The following IMMP2L variants were observed in gnomAD, a reference collection of about 807,000 sequenced individuals.
IMMP2L encodes the protein inner mitochondrial membrane peptidase subunit 2.
A neutral mutation model predicts 19.3 loss-of-function variants in IMMP2L; 18 were observed. The ratio of observed to expected loss-of-function variants is 0.93; its 90% CI spans 0.64 to 1.38. The LOEUF (loss-of-function observed/expected upper bound fraction) is 1.38, where lower values mean the gene tolerates loss of function less well. Among genes scored for constraint, IMMP2L ranks in the 40% most tolerant of loss-of-function variants. IMMP2L has a pLI of 0.00. For synonymous variants in IMMP2L, 76 were observed against 73.0 expected, an observed-to-expected ratio of 1.04 and a Z score of -0.21; for missense variants, 233 against 218.2, an observed-to-expected ratio of 1.07 and a Z score of -0.43.
rs1040874911 is a variant in IMMP2L at position 110,877,079 on chromosome 7, G to C, written c.408+9514C>G. Among the ~76,000 whole-genome samples the C allele has an allele frequency of 6.6e-6, 1 of 152,134 alleles. No individual in the cohort carries two copies. The highest frequency in any genetic ancestry group is 1.5e-5 in the Non-Finnish European group (1 of 68,016). On this transcript the variant is annotated intron_variant, in intron 5 of 5. Coordinates refer to ENST00000405709, the MANE Select transcript of IMMP2L (RefSeq NM_032549.4). The surrounding 1 kb of genome is among the most constrained non-coding windows in gnomAD (Gnocchi z 4.0). ...AAGTACTTAACTCAGCCGTTACAGAGGGAAAGCAGCCATAGTCAATATGAA... is the reference window on the plus strand; with the variant it reads ...AAGTACTTAACTCAGCCGTTACAGACGGAAAGCAGCCATAGTCAATATGAA...
At chr7:111,240,460 T>G (rs1387525967) in intron 3 of IMMP2L, among the ~76,000 whole-genome samples, 1 of 151,940 alleles carries the variant, frequency 6.6e-6, no homozygotes, top group East Asian at 1.9e-4. Flanking sequence ...TGCAGTCAAT[T>G]ATTAGATACA....
intron 3 of IMMP2L, among the ~76,000 whole-genome samples, chr7:111,087,425 G>A (rs1381742664): frequency 6.7e-6 from 1 of 150,168 alleles, no homozygotes; most frequent in East Asian, 2.0e-4. Flanking sequence ...CTCCAGCTTG[G>A]GCAACAGAGC....
chr7:110,841,825 T>A (rs997604148), intron 5 of IMMP2L, among the ~76,000 whole-genome samples: 5 of 152,172 alleles, frequency 3.3e-5, no homozygotes, highest in Non-Finnish European at 7.4e-5. Flanking sequence ...ATTATCAAAT[T>A]GTCTAAGAAT....
intron 3 of IMMP2L, among the ~76,000 whole-genome samples, chr7:111,075,095 T>G (rs979641549): frequency 7.3e-5 from 11 of 150,922 alleles, no homozygotes; most frequent in Non-Finnish European, 1.3e-4. Flanking sequence ...GCTGTTATAT[T>G]TTAAATAGCT....
At chr7:110,719,081 A>G (rs1795411753) in intron 5 of IMMP2L, among the ~76,000 whole-genome samples, 2 of 152,250 alleles carry the variant, frequency 1.3e-5, no homozygotes, top group Admixed American at 1.3e-4. Flanking sequence ...GAAGGTTGAA[A>G]TAAGGAAAAT....
At chr7:111,500,612 C>T (rs1844117338) in intron 2 of IMMP2L, among the ~76,000 whole-genome samples, 1 of 152,118 alleles carries the variant, frequency 6.6e-6, no homozygotes, top group Admixed American at 6.5e-5. Context: ...ACAAAACTTC[C>T]AGAGGAACAA....
chr7:111,240,520 T>C (rs1712705195), intron 3 of IMMP2L, among the ~76,000 whole-genome samples: 2 of 151,940 alleles, frequency 1.3e-5, no homozygotes, highest in South Asian at 2.1e-4. Flanking sequence ...GTGTGAGATG[T>C]AGTCAAGGCA....
chr7:110,678,554 G>A (rs1210913423), intron 5 of IMMP2L, among the ~76,000 whole-genome samples: 1 of 151,986 alleles, frequency 6.6e-6, no homozygotes, highest in East Asian at 1.9e-4. Context: ...GAAGGTAATG[G>A]ACATGATCCC....
In IMMP2L at chr7:110,904,991, C is replaced by T. The variant is rs549837973; in HGVS notation, c.306-18296G>A. Among the ~76,000 whole-genome samples, 16 of 152,204 alleles carry T rather than the reference C, an allele frequency of 1.1e-4. No individual in the cohort carries two copies. In the South Asian group the frequency reaches 3.3e-3, roughly 32 times the overall value. ...ATATTCTTTTCATGGTTACAAAATA[C>T]CACTTTGATCAGATAAAATATGCTT... On this transcript the variant is annotated intron_variant, in intron 4 of 5. Coordinates refer to ENST00000405709, the MANE Select transcript of IMMP2L (RefSeq NM_032549.4).
In IMMP2L at chr7:111,470,892, A is replaced by C. The variant is rs557361158; in HGVS notation, c.239+16346T>G. Among the ~76,000 whole-genome samples the C allele has an allele frequency of 3.6e-4, 55 of 151,430 alleles. No individual in the cohort carries two copies. In the South Asian group the frequency reaches 3.7e-3, roughly 10 times the overall value. On this transcript the variant is annotated intron_variant, in intron 3 of 5. Transcript: ENST00000405709. ...AAGTATAATAATAATAAAATAAATA[A>C]ATAAATAAATAAAGAGAAGAGGGCC...
At chr7:111,538,157 G>A (rs115790330) in intron 1 of IMMP2L, among the ~76,000 whole-genome samples, 196 of 151,924 alleles carry the variant, frequency 1.3e-3, no homozygotes, top group South Asian at 5.4e-3. Context: ...TGAGTTCTGC[G>A]CGAGCAGAAA....
intron 3 of IMMP2L, among the ~76,000 whole-genome samples, chr7:111,162,936 C>T (rs903632148): frequency 5.3e-5 from 8 of 152,020 alleles, no homozygotes; most frequent in Admixed American, 6.6e-5. Context: ...CACCTTAGAG[C>T]GCCTGCCTGA....
chr7:110,884,634 G>C (rs893647366), intron 5 of IMMP2L, among the ~76,000 whole-genome samples: 23 of 151,972 alleles, frequency 1.5e-4, no homozygotes, highest in Non-Finnish European at 1.0e-4. Flanking sequence ...AATCATATCT[G>C]TGATGAGAGA....
chr7:110,925,288 T>C (rs1814729911), intron 4 of IMMP2L, among the ~76,000 whole-genome samples: 1 of 152,122 alleles, frequency 6.6e-6, no homozygotes, highest in Non-Finnish European at 1.5e-5. Context: ...GAGTATGGCC[T>C]TACAAACAGA....
intron 2 of IMMP2L, among the ~76,000 whole-genome samples, chr7:111,505,893 C>G (rs970326450): frequency 1.3e-5 from 2 of 152,036 alleles, no homozygotes; most frequent in Non-Finnish European, 1.5e-5. Flanking sequence ...ATGGGTGCAG[C>G]ACACCAACAT....
intron 3 of IMMP2L, among the ~76,000 whole-genome samples, chr7:111,350,920 T>C (rs1828083150): frequency 6.6e-6 from 1 of 152,186 alleles, no homozygotes; most frequent in Non-Finnish European, 1.5e-5. Flanking sequence ...AAAAATAGAC[T>C]ATGCATTTTC....
intron 3 of IMMP2L, among the ~76,000 whole-genome samples, chr7:111,137,783 T>A (rs1802488678): frequency 6.6e-6 from 1 of 152,152 alleles, no homozygotes; most frequent in Non-Finnish European, 1.5e-5. Context: ...ACTTTAAAAA[T>A]CTCATTCAGT....
intron 3 of IMMP2L, among the ~76,000 whole-genome samples, chr7:111,106,370 G>A (rs891617618): frequency 1.3e-5 from 2 of 151,816 alleles, no homozygotes. Flanking sequence ...TTTTTTGAAG[G>A]ATCTTAACTA....
At chr7:111,069,569 A>T (rs1427965959) in intron 3 of IMMP2L, among the ~76,000 whole-genome samples, 1 of 152,170 alleles carries the variant, frequency 6.6e-6, no homozygotes, top group African/African-American at 2.4e-5. Context: ...ATGAAGACTG[A>T]TTACTATAAT....
Sources: allele counts gnomAD v4.1 joint callset (sites outside exome capture counted in the v4.1 genomes callset), GRCh38; gene constraint gnomAD v4.1.1; non-coding constraint Gnocchi (gnomAD v3.1); transcripts MANE v1.5; gene names NCBI Gene and HGNC (gene_info 2026-07-23, HGNC 2026-07-21).